Variants in AP1G1 observed in about 807,000 individuals in gnomAD.
AP1G1 encodes the protein adaptor related protein complex 1 subunit gamma 1.
AP1G1 carries 7 observed loss-of-function variants against 108.3 expected under a neutral mutation model. That is an observed-to-expected ratio of 0.06 (90% CI 0.04 to 0.12). The LOEUF (loss-of-function observed/expected upper bound fraction) is 0.12, where lower values mean the gene tolerates loss of function less well. Among genes scored for constraint, AP1G1 ranks in the 10% least tolerant of loss-of-function variants. The pLI is 1.00. For missense variants in AP1G1, 756 were observed against 1,010.7 expected, an observed-to-expected ratio of 0.75 and a Z score of 3.42; for synonymous variants, 379 against 353.5, an observed-to-expected ratio of 1.07 and a Z score of -0.81.
chr16:71,738,910 A>G (rs377472148), intron 21 of AP1G1, 32 bp downstream of exon 21: 132 of 1,565,330 alleles, frequency 8.4e-5, no homozygotes, highest in Admixed American at 3.8e-4. Context: ...ATCTTTAATC[A>G]AAGGAAACAT....
chr16:71,780,624 CTTTA>C (rs1256876694), intron 2 of AP1G1, among the ~76,000 whole-genome samples: 1 of 151,344 alleles, frequency 6.6e-6, no homozygotes, highest in Non-Finnish European at 1.5e-5. Context: ...TAAAAGTCAC[CTTTA>C]TTTATTTTAT....
intron 19 of AP1G1, chr16:71,743,091 C>T (rs183290912): frequency 1.7e-4 from 26 of 152,158 alleles, no homozygotes; most frequent in Non-Finnish European, 4.4e-5. Context: ...TATATATTAA[C>T]ATGGAAATAC....
At chr16:71,802,955 C>T (rs1449004390) in intron 1 of AP1G1, among the ~76,000 whole-genome samples, 1 of 152,022 alleles carries the variant, frequency 6.6e-6, no homozygotes, top group African/African-American at 2.4e-5. Context: ...TGGCTCACAC[C>T]TATAATCCCA....
chr16:71,797,340 G>C (rs2032622686), intron 1 of AP1G1, among the ~76,000 whole-genome samples: 2 of 151,832 alleles, frequency 1.3e-5, no homozygotes, highest in South Asian at 4.1e-4. Flanking sequence ...CAAGTAATGA[G>C]CATGTAAAAC....
At chr16:71,781,960 A>G (rs2032035813) in intron 2 of AP1G1, among the ~76,000 whole-genome samples, 1 of 152,220 alleles carries the variant, frequency 6.6e-6, no homozygotes, top group Non-Finnish European at 1.5e-5. Context: ...CAGGAGGCGT[A>G]TAATTATTTC....
intron 6 of AP1G1, among the ~76,000 whole-genome samples, chr16:71,768,070 A>G (rs2031388114): frequency 1.3e-5 from 2 of 151,866 alleles, no homozygotes; most frequent in Admixed American, 1.3e-4. Flanking sequence ...AGTGAGTTCT[A>G]TTTATGGAAT....
chr16:71,795,831 G>A (rs1252100346), intron 1 of AP1G1, among the ~76,000 whole-genome samples: 1 of 152,194 alleles, frequency 6.6e-6, no homozygotes, highest in Non-Finnish European at 1.5e-5. Context: ...GTAGAGGGGT[G>A]CATACCTATT....
chr16:71,786,139 G>A lies in AP1G1; in HGVS notation c.201+3140C>T, dbSNP rs141967159. 2.5e-4 allele frequency among the ~76,000 whole-genome samples: 38 copies of A among 152,074 alleles called. No individual in the cohort carries two copies. The East Asian group carries it at 7.1e-3, about 29-fold the overall frequency. On this transcript the variant is annotated intron_variant, in intron 2 of 22. Transcript: ENST00000299980. The stretch of plus-strand genomic sequence containing the variant: ...GATAAAATTTTAGCACAGTTTTCTC[G>A]AGCATTTACTTTCTAAGAATTAAAT...
intron 19 of AP1G1, chr16:71,742,326 C>G (rs2029910678): frequency 6.6e-6 from 1 of 152,060 alleles, no homozygotes; most frequent in African/African-American, 2.4e-5. Context: ...CTGACCAAGC[C>G]TGGCAGAGGG....
In AP1G1 at chr16:71,750,298, T is replaced by C. The variant is rs148838983; in HGVS notation, c.1319A>G (p.Asn440Ser). The stretch of plus-strand genomic sequence containing the variant: ...ACTATTAGTTATTAACTGGATTAAA[T>C]TGGGGACTGCATCATCACGAACATA... The part of the protein sequence containing the change: ...GSYVRDDAVP[N>S]LIQLITNSVE... Residue 440 changes from asparagine to serine, a missense_variant, in exon 14 of 23, where the codon AAT becomes AGT. Asn to Ser is a conservative substitution (Grantham distance 46). Around this residue, in one of 3 missense-constraint regions of AP1G1, gnomAD observed 357 missense variants for 366.5 expected, o/e 0.97. Coordinates refer to ENST00000299980, the MANE Select transcript of AP1G1 (RefSeq NM_001128.6). The C allele has an allele frequency of 6.1e-5, 99 of 1,613,984 alleles. No individual in the cohort carries two copies. The highest frequency in any genetic ancestry group is 1.7e-4 in the Middle Eastern group (1 of 6,060).
intron 1 of AP1G1, among the ~76,000 whole-genome samples, chr16:71,803,948 T>C (rs2032903720): frequency 6.7e-6 from 1 of 148,702 alleles, no homozygotes; most frequent in Non-Finnish European, 1.5e-5. Flanking sequence ...AAAAGACACC[T>C]CTTTTCCCTT....
chr16:71,753,893 A>G lies in AP1G1; in HGVS notation c.1230-6T>C. 3 of 1,613,710 alleles carry G rather than the reference A, an allele frequency of 1.9e-6. No individual in the cohort carries two copies. The highest frequency in any genetic ancestry group is 2.5e-6 in the Non-Finnish European group (3 of 1,179,744). On this transcript the variant is annotated splice_region_variant and splice_polypyrimidine_tract_variant and intron_variant, in intron 12 of 22. Coordinates refer to ENST00000299980, the MANE Select transcript of AP1G1 (RefSeq NM_001128.6). ...ATCGTTTGGAAGGTGCATACCTGAA[A>G]AAAACAATGGAAAGGGACACTTGGA...
chr16:71,766,707 T>C (rs1024797316), intron 6 of AP1G1, among the ~76,000 whole-genome samples: 6 of 152,168 alleles, frequency 3.9e-5, no homozygotes, highest in African/African-American at 7.2e-5. Flanking sequence ...GGGATCAAGA[T>C]TGAAATGAAA....
intron 6 of AP1G1, among the ~76,000 whole-genome samples, chr16:71,768,113 G>A (rs1353692090): frequency 6.9e-6 from 1 of 144,262 alleles, no homozygotes; most frequent in Admixed American, 7.2e-5. Context: ...TTCAATGCAT[G>A]TAACTACCCA....
chr16:71,777,295 G>C (rs893693615), intron 2 of AP1G1, among the ~76,000 whole-genome samples: 1 of 150,742 alleles, frequency 6.6e-6, no homozygotes, highest in Non-Finnish European at 1.5e-5. Context: ...AGGTTAGGCA[G>C]GAGAGGCTAC....
chr16:71,753,569 T>G (rs538084371), intron 13 of AP1G1: 1 of 439,862 alleles, frequency 2.3e-6, no homozygotes, highest in South Asian at 2.3e-5. Flanking sequence ...AGGTCTCTAC[T>G]CAAATGTTAT....
chr16:71,769,645 T>A lies in AP1G1; in HGVS notation c.620A>T (p.Asp207Val). The change falls in exon 6 of 23, where the codon GAC (aspartate) becomes GTC (valine). Residue 207 changes from aspartate to valine, a missense_variant. Transcript: ENST00000299980. ...LLTEMCERSPDMLAHFRKLVP... is the reference protein window; with the variant it reads ...LLTEMCERSPVMLAHFRKLVP... Reference sequence around the variant, plus strand: ...TACCTTTCTGAAATGCGCAAGCATGTCTGGGCTTCGCTCACACATTTCTGT... The same window carrying A: ...TACCTTTCTGAAATGCGCAAGCATGACTGGGCTTCGCTCACACATTTCTGT... 2 of 1,613,682 alleles carry A rather than the reference T, an allele frequency of 1.2e-6. No homozygotes were observed. The highest frequency in any genetic ancestry group is 1.7e-6 in the Non-Finnish European group (2 of 1,179,686).
In AP1G1 at chr16:71,745,495, G is replaced by A. The variant is rs775676810; in HGVS notation, c.1850C>T (p.Ser617Phe). The A allele has an allele frequency of 1.2e-6, 2 of 1,614,202 alleles. No individual in the cohort carries two copies. The highest frequency in any genetic ancestry group is 1.7e-5 in the Admixed American group (1 of 60,024). ...TACCTGGCTGGTGGGCTGTGGCCCAGAGGGTGGCGGTTTGGTCTCTAGTGG... is the reference window on the plus strand; with the variant it reads ...TACCTGGCTGGTGGGCTGTGGCCCAAAGGGTGGCGGTTTGGTCTCTAGTGG... ...PAPLETKPPP[S>F]GPQPTSQAND... is the part of the protein sequence containing the mutation. The change falls in exon 18 of 23, where the codon TCT becomes TTT. Residue 617 changes from serine to phenylalanine, a missense_variant. Physicochemically the swap from Ser to Phe is radical, Grantham distance 155. Around this residue, in one of 3 missense-constraint regions of AP1G1, gnomAD observed 357 missense variants for 366.5 expected, o/e 0.97. Transcript: ENST00000299980.
intron 2 of AP1G1, among the ~76,000 whole-genome samples, chr16:71,779,616 A>C (rs1025553244): frequency 6.6e-6 from 1 of 152,154 alleles, no homozygotes; most frequent in African/African-American, 2.4e-5. Context: ...CTGGTATTAC[A>C]GGTGTGAGCA....
Sources: allele counts gnomAD v4.1 joint callset (sites outside exome capture counted in the v4.1 genomes callset), GRCh38; gene constraint gnomAD v4.1.1; regional missense constraint gnomAD v4.1.1; transcripts MANE v1.5; gene names NCBI Gene and HGNC (gene_info 2026-07-23, HGNC 2026-07-21).